The following PTPRG variants were observed in gnomAD, a reference collection of about 807,000 sequenced individuals.
The protein encoded by PTPRG is receptor-type tyrosine-protein phosphatase gamma.
In PTPRG, 102 loss-of-function variants were observed where a neutral mutation model predicts 165.3. The observed-to-expected ratio is 0.62, with a 90% CI of 0.53 to 0.73. The LOEUF is 0.73. PTPRG is among the 30% of genes least tolerant of loss of function. The probability of loss-of-function intolerance (pLI) is 0.00; values close to 1 mark genes in which losing one functional copy is unlikely to be tolerated. For synonymous variants in PTPRG, 675 were observed against 669.5 expected (o/e 1.01, Z -0.13); for missense variants, 1,866 against 1,861.4 (o/e 1.00, Z -0.05).
At chr3:62,072,993 G>A (rs963232914) in intron 4 of PTPRG, among the ~76,000 whole-genome samples, 15 of 152,264 alleles carry the variant, frequency 9.9e-5, no homozygotes, top group East Asian at 1.9e-4. Context: ...ATAGGAGAAC[G>A]TGGCAGAGTG....
At chr3:61,776,303 A>T (rs2034379993) in intron 2 of PTPRG, among the ~76,000 whole-genome samples, 1 of 152,044 alleles carries the variant, frequency 6.6e-6, no homozygotes, top group Non-Finnish European at 1.5e-5. Flanking sequence ...TATGAGCTTG[A>T]CTTACTTCCT....
Position 61,676,350 on chromosome 3 carries a change from G to C in PTPRG, c.86-72528G>C, listed in dbSNP as rs190691797. ...CGGGCACGTGAAATCCCAGCTACTCGGGAGGCTGAGGCAGGAGAATGGCGT... is the reference window on the plus strand; with the variant it reads ...CGGGCACGTGAAATCCCAGCTACTCCGGAGGCTGAGGCAGGAGAATGGCGT... On this transcript the variant is annotated intron_variant, in intron 1 of 29. Transcript: ENST00000474889. Among the ~76,000 whole-genome samples, 5 of 149,848 alleles carry C rather than the reference G, an allele frequency of 3.3e-5. No homozygotes were observed. In the South Asian group the frequency reaches 1.1e-3, roughly 32 times the overall value.
At chr3:62,096,027 G>T (rs1702096847) in intron 5 of PTPRG, among the ~76,000 whole-genome samples, 1 of 152,136 alleles carries the variant, frequency 6.6e-6, no homozygotes, top group Non-Finnish European at 1.5e-5. Context: ...AGAGCAAGGG[G>T]ACTAACTTGG....
chr3:61,603,177 G>A (rs62243058), intron 1 of PTPRG, among the ~76,000 whole-genome samples: 17,622 of 152,144 alleles, frequency 0.12, 1,138 homozygotes, highest in African/African-American at 0.17. Flanking sequence ...CTGACTTGGG[G>A]CATCCTCTGA....
chr3:61,963,874 T>TA (rs923935574), intron 2 of PTPRG, among the ~76,000 whole-genome samples: 57 of 149,862 alleles, frequency 3.8e-4, no homozygotes, highest in Middle Eastern at 3.5e-3. Context: ...ATATATATTT[T>TA]AAAAAAAAAA....
rs752539487 is a variant in PTPRG, at chr3:62,003,369, G to A, written c.391G>A (p.Asp131Asn). 6 of 1,613,580 alleles carry A rather than the reference G, an allele frequency of 3.7e-6. No individual in the cohort carries two copies. The highest frequency in any genetic ancestry group is 3.3e-5 in the South Asian group (3 of 91,010). The part of the protein sequence containing the change: ...GKTVAILLKD[D>N]YFVSGAGLPG... ...CACAGTCGCCATCCTTCTGAAAGAC[G>A]ACTATTTTGTCAGTGGAGCTGGTCT... Residue 131 changes from aspartate (D) to asparagine (N), a missense_variant, in exon 4 of 30, where the codon GAC becomes AAC. Physicochemically the swap from Asp to Asn is conservative, Grantham distance 23 (BLOSUM62 1). This residue lies in a region of PTPRG where 408 missense variants were observed against 376.2 expected (regional missense o/e 1.08). Transcript: ENST00000474889.
chr3:61,972,637 CTTTTTCTTTT>C (rs1391148786), intron 2 of PTPRG, among the ~76,000 whole-genome samples: 2 of 148,576 alleles, frequency 1.3e-5, no homozygotes, highest in African/African-American at 5.0e-5. Context: ...CCTCTTCGTT[CTTTTTCTTTT>C]TTTTTCTTTT....
intron 5 of PTPRG, among the ~76,000 whole-genome samples, chr3:62,080,367 C>T (rs750043210): frequency 5.3e-5 from 8 of 152,034 alleles, no homozygotes; most frequent in Non-Finnish European, 5.9e-5. Context: ...TGAGCCACTG[C>T]GCCCAGCCCC....
chr3:61,959,137 C>T (rs926916454), intron 2 of PTPRG, among the ~76,000 whole-genome samples: 6 of 152,308 alleles, frequency 3.9e-5, no homozygotes, highest in East Asian at 3.9e-4. Flanking sequence ...CTGCTCCCTC[C>T]GGTCCCTGCA....
At chr3:61,952,903 T>C (rs1436757461) in intron 2 of PTPRG, among the ~76,000 whole-genome samples, 1 of 152,208 alleles carries the variant, frequency 6.6e-6, no homozygotes, top group African/African-American at 2.4e-5. Flanking sequence ...TTTACCCTCT[T>C]GTGACCCACT....
At chr3:62,191,341 C>A (rs1428400820) in intron 8 of PTPRG, 128 bp from the exon 9 acceptor site, 7 of 723,888 alleles carry the variant, frequency 9.7e-6, no homozygotes, top group Non-Finnish European at 1.6e-5. Flanking sequence ...TAAGAGGACC[C>A]AGGAGAAGGG....
intron 1 of PTPRG, among the ~76,000 whole-genome samples, chr3:61,738,421 T>C (rs2032846172): frequency 6.6e-6 from 1 of 150,750 alleles, no homozygotes; most frequent in Non-Finnish European, 1.5e-5. Flanking sequence ...AAAAGGCCTA[T>C]ATAAAAGGCC....
intron 2 of PTPRG, among the ~76,000 whole-genome samples, chr3:61,778,038 T>C (rs1019604052): frequency 6.6e-6 from 1 of 152,182 alleles, no homozygotes; most frequent in African/African-American, 2.4e-5. Flanking sequence ...CTTGGAGGCC[T>C]GCCCCATGCC....
intron 5 of PTPRG, among the ~76,000 whole-genome samples, chr3:62,103,482 T>C (rs995092982): frequency 1.3e-5 from 2 of 152,358 alleles, no homozygotes; most frequent in Admixed American, 1.3e-4. Context: ...TTTAAACCTT[T>C]TTCCTGTTTC....
intron 1 of PTPRG, among the ~76,000 whole-genome samples, chr3:61,734,143 TAA>T (rs976164524): frequency 2.0e-5 from 3 of 152,232 alleles, no homozygotes; most frequent in African/African-American, 7.2e-5. Context: ...GCATGACTGT[TAA>T]AGAGAAACTT....
chr3:61,623,571 G>A (rs1489892704), intron 1 of PTPRG, among the ~76,000 whole-genome samples: 1 of 152,098 alleles, frequency 6.6e-6, no homozygotes, highest in East Asian at 1.9e-4. Context: ...TATAGCTTGG[G>A]GTTACACCTG....
At chr3:61,600,173 A>AAAT (rs1409193580) in intron 1 of PTPRG, among the ~76,000 whole-genome samples, 23 of 123,476 alleles carry the variant, frequency 1.9e-4, no homozygotes, top group African/African-American at 6.9e-4. Flanking sequence ...AAAAAAAAAA[A>AAAT]ATATATATAT....
chr3:61,778,581 G>A (rs1338855530), intron 2 of PTPRG, among the ~76,000 whole-genome samples: 1 of 151,828 alleles, frequency 6.6e-6, no homozygotes, highest in Admixed American at 6.6e-5. Flanking sequence ...TCAGCCTTAG[G>A]TTCCCTGCCC....
rs777606991 is a variant in PTPRG, at chr3:61,597,206, C to T, written c.85+34834C>T. Among the ~76,000 whole-genome samples the T allele has an allele frequency of 5.3e-5, 8 of 152,316 alleles. No individual in the cohort carries two copies. In the East Asian group the frequency reaches 5.8e-4, roughly 11 times the overall value. On this transcript the variant is annotated intron_variant, in intron 1 of 29. Transcript: ENST00000474889. Reference sequence around the variant, plus strand: ...TGACCCAAACACTTCCCATTATGCTCCACCCAACACTGCTGAATTGGGGAG... The same window carrying T: ...TGACCCAAACACTTCCCATTATGCTTCACCCAACACTGCTGAATTGGGGAG...
Sources: allele counts gnomAD v4.1 joint callset (sites outside exome capture counted in the v4.1 genomes callset), GRCh38; gene constraint gnomAD v4.1.1; regional missense constraint gnomAD v4.1.1; transcripts MANE v1.5; gene names NCBI Gene and HGNC (gene_info 2026-07-23, HGNC 2026-07-21).